The following LPA variants were observed in gnomAD, a reference collection of about 807,000 sequenced individuals.
LPA encodes lipoprotein(a), also known as apolipoprotein(a).
LPA carries 199 observed loss-of-function variants against 197.9 expected under a neutral mutation model. The ratio of observed to expected loss-of-function variants is 1.01; its 90% CI spans 0.90 to 1.13. The LOEUF (loss-of-function observed/expected upper bound fraction) is 1.13, where lower values mean the gene tolerates loss of function less well. Ranked by LOEUF, LPA falls within the 50% of genes most tolerant of loss-of-function variation. The probability of loss-of-function intolerance (pLI) is 0.00; values close to 1 mark genes in which losing one functional copy is unlikely to be tolerated. For missense variants in LPA, 1,853 were observed against 1,785.8 expected (o/e 1.04, Z -0.68); for synonymous variants, 715 against 639.5 (o/e 1.12, Z -1.78).
At chr6:160,587,421 T>C (rs1431524344) in intron 24 of LPA, among the ~76,000 whole-genome samples, 2 of 152,226 alleles carry the variant, frequency 1.3e-5, no homozygotes, top group Non-Finnish European at 2.9e-5. Context: ...ATTTAAGCTG[T>C]GGTCTTAGAT....
At position 160,573,884 on chromosome 6, in the gene LPA, T is replaced by A. The variant is rs41264292; in HGVS notation, c.4631+3252A>T. ...TAGCTTTGGTGGTTTAATGCTCTAT[T>A]TTTGTGCTGGTTGGCCTCCTGCATC... On this transcript the variant is annotated intron_variant, in intron 28 of 38. Transcript: ENST00000316300. 2.3e-3 allele frequency among the ~76,000 whole-genome samples: 346 copies of A among 152,186 alleles called. 3 individuals are homozygous for A. The highest frequency in any genetic ancestry group is 8.1e-3 in the African/African-American group (337 of 41,518).
Position 160,583,319 on chromosome 6 carries a change from G to A in LPA, c.4289+1727C>T, listed in dbSNP as rs145470851. On this transcript the variant is annotated intron_variant, in intron 26 of 38. Coordinates refer to ENST00000316300, the MANE Select transcript of LPA (RefSeq NM_005577.4). ...TTTGTTGTTTACCTCTGAAGAGGTT[G>A]TTTTCTTCTGACAGGCAATTAATTT... Among the ~76,000 whole-genome samples the A allele has an allele frequency of 4.8e-3, 731 of 152,266 alleles. 4 individuals are homozygous for A. Among genetic ancestry groups the A allele is most frequent in the Non-Finnish European group, 8.5e-3 (577 of 67,992 alleles).
intron 1 of LPA, 135 bp from the exon 2 acceptor site, chr6:160,650,632 ACGTG>A: frequency 1.2e-6 from 1 of 805,588 alleles, no homozygotes. Context: ...AGGCAGACAG[ACGTG>A]CAAAAAACCA....
chr6:160,584,957 G>A, intron 26 of LPA, 89 bp downstream of exon 26: 1 of 1,351,924 alleles, frequency 7.4e-7, no homozygotes, highest in Non-Finnish European at 1.1e-6. Flanking sequence ...TGAGAAATTT[G>A]GACCTAGGAA....
At chr6:160,655,119 AG>A (rs1332237210) in intron 1 of LPA, among the ~76,000 whole-genome samples, 1 of 152,236 alleles carries the variant, frequency 6.6e-6, no homozygotes, top group African/African-American at 2.4e-5. Context: ...CTTCATGGCT[AG>A]ATGGGTCAGA....
chr6:160,601,755 C>G (rs1779245937), intron 18 of LPA, among the ~76,000 whole-genome samples: 1 of 152,182 alleles, frequency 6.6e-6, no homozygotes, highest in Admixed American at 6.5e-5. Flanking sequence ...GCCCTGGAAA[C>G]CTAGCTTTCA....
At chr6:160,650,632 ACGTGC>A in intron 1 of LPA, 135 bp from the exon 2 acceptor site, 2 of 805,584 alleles carry the variant, frequency 2.5e-6, no homozygotes, top group Admixed American at 4.0e-5. Context: ...AGGCAGACAG[ACGTGC>A]AAAAAACCAA....
chr6:160,653,959 A>ATATATAT (rs1780054794), intron 1 of LPA, among the ~76,000 whole-genome samples: 9 of 29,858 alleles, frequency 3.0e-4, no homozygotes, highest in African/African-American at 8.2e-4. Flanking sequence ...ATTATATATA[A>ATATATAT]TATATATTAT....
intron 28 of LPA, among the ~76,000 whole-genome samples, chr6:160,576,682 G>A (rs1583590911): frequency 1.1e-5 from 1 of 94,954 alleles, no homozygotes; most frequent in African/African-American, 4.2e-5. Context: ...GTGTGTGTGT[G>A]TGTGTGTGTA....
At chr6:160,577,881 G>T (rs1778714061) in intron 27 of LPA, among the ~76,000 whole-genome samples, 1 of 152,252 alleles carries the variant, frequency 6.6e-6, no homozygotes, top group South Asian at 2.1e-4. Context: ...TAACAAAGCA[G>T]AATTCTCTTC....
chr6:160,553,954 T>TGTGTGTGCGCGCGCAC (rs771903485), intron 30 of LPA, among the ~76,000 whole-genome samples: 1 of 130,748 alleles, frequency 7.6e-6, no homozygotes, highest in African/African-American at 3.0e-5. Flanking sequence ...TGTGTGTGTG[T>TGTGTGTGCGCGCGCAC]GCGCGCGCGC....
chr6:160,541,269 A>G lies in LPA; in HGVS notation c.5520-88T>C. 4 of 960,728 alleles carry G rather than the reference A, an allele frequency of 4.2e-6. No individual in the cohort carries two copies. In the South Asian group the frequency reaches 5.3e-5, roughly 13 times the overall value. The allele number at this position is 960,728 out of a possible 1,614,324, so 59.5% of individuals were successfully genotyped here. ...GAAAGCCAGGAAGACAAGTTCACTC[A>G]GTTTTGATCATGTTCATATTCCCAA... On this transcript the variant is annotated intron_variant, in intron 34 of 38. Transcript: ENST00000316300.
At chr6:160,648,694 G>A (rs1004095856) in intron 2 of LPA, among the ~76,000 whole-genome samples, 6 of 152,020 alleles carry the variant, frequency 3.9e-5, no homozygotes, top group African/African-American at 7.2e-5. Flanking sequence ...TGTCTAACTA[G>A]ATGGGGAGGC....
intron 30 of LPA, among the ~76,000 whole-genome samples, chr6:160,553,954 T>TGTGTGTGTGTGCGCGCGCGC (rs771903485): frequency 9.6e-4 from 126 of 130,776 alleles, no homozygotes; most frequent in African/African-American, 3.5e-3. Flanking sequence ...TGTGTGTGTG[T>TGTGTGTGTGTGCGCGCGCGC]GCGCGCGCGC....
At chr6:160,648,531 TG>T (rs1466993603) in intron 2 of LPA, among the ~76,000 whole-genome samples, 3 of 152,126 alleles carry the variant, frequency 2.0e-5, no homozygotes, top group Non-Finnish European at 2.9e-5. Context: ...GTGGCTCGGT[TG>T]ATTTCATTTT....
intron 35 of LPA, 85 bp downstream of exon 35, chr6:160,541,022 G>A (rs1777972841): frequency 8.9e-7 from 1 of 1,127,428 alleles, no homozygotes; most frequent in Non-Finnish European, 1.3e-6. Flanking sequence ...GAAGGGGAGG[G>A]TGGGAAGAAA....
rs887945982 is a variant in LPA, at chr6:160,653,543, C to G, written c.50-3046G>C. Among the ~76,000 whole-genome samples the G allele has an allele frequency of 9.9e-5, 15 of 151,818 alleles. 1 individual carries two copies. The highest frequency in any genetic ancestry group is 3.6e-4 in the African/African-American group (15 of 41,404). The stretch of plus-strand genomic sequence containing the variant: ...TGAAGTTGAATCAGTAATTAAAAAC[C>G]TACACCAGAAAAACCCCTGGACCAG... On this transcript the variant is annotated intron_variant, in intron 1 of 38. Coordinates refer to ENST00000316300, the MANE Select transcript of LPA (RefSeq NM_005577.4).
At chr6:160,603,177 A>T (rs921421130) in intron 18 of LPA, among the ~76,000 whole-genome samples, 1 of 149,544 alleles carries the variant, frequency 6.7e-6, no homozygotes, top group Non-Finnish European at 1.5e-5. Flanking sequence ...AAATCTTTTT[A>T]TATTTTCCCG....
intron 16 of LPA, among the ~76,000 whole-genome samples, chr6:160,608,446 G>A (rs759676028): frequency 1.7e-4 from 26 of 152,072 alleles, no homozygotes; most frequent in Admixed American, 6.6e-5. Flanking sequence ...TGACGAGAAT[G>A]CATTAGCAAT....
Sources: gnomAD v4.1 joint callset for allele counts (sites outside exome capture counted in the v4.1 genomes callset) on GRCh38, gnomAD v4.1.1 for gene constraint, MANE v1.5 for transcripts, NCBI Gene and HGNC (gene_info 2026-07-23, HGNC 2026-07-21) for gene names.